The following FBLN1 variants were observed in gnomAD, a reference collection of about 807,000 sequenced individuals.
FBLN1 encodes the protein fibulin-1.
A neutral mutation model predicts 89.7 loss-of-function variants in FBLN1; 34 were observed. The ratio of observed to expected loss-of-function variants is 0.38; its 90% CI spans 0.29 to 0.50. The LOEUF (loss-of-function observed/expected upper bound fraction) is 0.50, where lower values mean the gene tolerates loss of function less well. Ranked by LOEUF, FBLN1 falls within the 20% of genes least tolerant of loss-of-function variation. The probability of loss-of-function intolerance (pLI) is 0.92; values close to 1 mark genes in which losing one functional copy is unlikely to be tolerated. For missense variants in FBLN1, 777 were observed against 988.1 expected, an observed-to-expected ratio of 0.79 and a Z score of 2.86; for synonymous variants, 393 against 391.3, an observed-to-expected ratio of 1.00 and a Z score of -0.05.
intron 14 of FBLN1, among the ~76,000 whole-genome samples, chr22:45,552,875 T>A (rs912545801): frequency 0.031 from 92 of 2,936 alleles, no homozygotes; most frequent in Non-Finnish European, 0.049. Context: ...TGCAAAGCTG[T>A]CCCACAGCCT....
chr22:45,507,620 T>C (rs2088040284), intron 1 of FBLN1, among the ~76,000 whole-genome samples: 1 of 150,440 alleles, frequency 6.6e-6, no homozygotes, highest in Admixed American at 6.6e-5. Flanking sequence ...CTCCACCTCC[T>C]GTATTCAAAC....
chr22:45,518,108 G>A (rs1160859726), intron 1 of FBLN1, among the ~76,000 whole-genome samples: 1 of 148,774 alleles, frequency 6.7e-6, no homozygotes, highest in African/African-American at 2.5e-5. Flanking sequence ...CTCCAGCCTG[G>A]GCGACAGAGA....
Position 45,597,141 on chromosome 22 carries a change from T to G in FBLN1, c.1973-3166T>G, listed in dbSNP as rs1327702947. Among the ~76,000 whole-genome samples, 5 of 151,876 alleles carry G rather than the reference T, an allele frequency of 3.3e-5. No homozygotes were observed. In the East Asian group the frequency reaches 9.6e-4, roughly 29 times the overall value. On this transcript the variant is annotated intron_variant, in intron 16 of 16. Coordinates refer to ENST00000327858, the MANE Select transcript of FBLN1 (RefSeq NM_006486.3). This position sits in a 1 kb window ranked among gnomAD's most constrained non-coding sequence, Gnocchi z 4.2. The stretch of plus-strand genomic sequence containing the variant: ...CCTCAGCCTCCTGAGTAGCTGGGAC[T>G]ATAAGCACACACCACCATGCCTGGC...
At chr22:45,573,425 C>T (rs2088966652) in intron 14 of FBLN1, among the ~76,000 whole-genome samples, 1 of 151,514 alleles carries the variant, frequency 6.6e-6, no homozygotes, top group African/African-American at 2.4e-5. Flanking sequence ...CCTGTAATCC[C>T]AGCACTTTGG....
Position 45,574,741 on chromosome 22 carries a change from G to T in FBLN1, c.1840+88G>T. On this transcript the variant is annotated intron_variant, in intron 15 of 16. Coordinates refer to ENST00000327858, the MANE Select transcript of FBLN1 (RefSeq NM_006486.3). This position sits in a 1 kb window ranked among gnomAD's most constrained non-coding sequence, Gnocchi z 4.1. ...GCTTGGCCTACAGGAGTTGTTCCTTGTAAGATGTGGCCCAGGCTTTGAAAT... is the reference window on the plus strand; with the variant it reads ...GCTTGGCCTACAGGAGTTGTTCCTTTTAAGATGTGGCCCAGGCTTTGAAAT... 2.5e-5 allele frequency: 23 copies of T among 921,526 alleles called. No homozygotes were observed. Among genetic ancestry groups the T allele is most frequent in the Non-Finnish European group, 3.4e-5 (20 of 591,554 alleles). The allele number at this position is 921,526 out of a possible 1,614,324, so 57.1% of individuals were successfully genotyped here. A position where few individuals can be genotyped will look rare whatever the true frequency, so the allele number is the denominator to read the frequency against.
chr22:45,580,153 C>T lies in FBLN1; in HGVS notation c.1972+3045C>T, dbSNP rs140134241. ...AAACTGCAGGGCCTGGGATGTTTTC[C>T]GACTTGTTTTTAGCAGTGCAGTTCT... On this transcript the variant is annotated intron_variant, in intron 16 of 16. Transcript: ENST00000327858. The surrounding 1 kb of genome is among the most constrained non-coding windows in gnomAD (Gnocchi z 8.6). 1.7e-4 allele frequency among the ~76,000 whole-genome samples: 26 copies of T among 152,136 alleles called. No individual in the cohort carries two copies. In the East Asian group the frequency reaches 4.7e-3, roughly 27 times the overall value.
rs1476234861 is a variant in FBLN1 at position 45,561,433 on chromosome 22, G to A, written c.1697+10818G>A. 1.3e-5 allele frequency among the ~76,000 whole-genome samples: 2 copies of A among 152,192 alleles called. No individual in the cohort carries two copies. Among genetic ancestry groups the A allele is most frequent in the African/African-American group, 4.8e-5 (2 of 41,456 alleles). On this transcript the variant is annotated intron_variant, in intron 14 of 16. Transcript: ENST00000327858. The surrounding 1 kb of genome is among the most constrained non-coding windows in gnomAD (Gnocchi z 4.7). Reference sequence around the variant, plus strand: ...CCTTGGTTCTCCACATATGATCAAAGATATTATGTATAGAGTCACTAAACT... The same window carrying A: ...CCTTGGTTCTCCACATATGATCAAAAATATTATGTATAGAGTCACTAAACT...
rs186112921 is a variant in FBLN1 at position 45,594,202 on chromosome 22, T to G, written c.1973-6105T>G. 2.6e-5 allele frequency among the ~76,000 whole-genome samples: 4 copies of G among 152,296 alleles called. No homozygotes were observed. In the East Asian group the frequency reaches 7.7e-4, roughly 29 times the overall value. On this transcript the variant is annotated intron_variant, in intron 16 of 16. Coordinates refer to ENST00000327858, the MANE Select transcript of FBLN1 (RefSeq NM_006486.3). The stretch of plus-strand genomic sequence containing the variant: ...GCGAGTGTTCCTTGCTACTTCTTCC[T>G]CCTTCCCTTGCCTCCCTGTGTTAGA...
chr22:45,553,036 CACGGTGG>C (rs1370915895), intron 14 of FBLN1, among the ~76,000 whole-genome samples: 2 of 152,168 alleles, frequency 1.3e-5, no homozygotes, highest in Non-Finnish European at 2.9e-5. Flanking sequence ...GAGGGTGTAA[CACGGTGG>C]ACGGTGGCAG....
intron 14 of FBLN1, among the ~76,000 whole-genome samples, chr22:45,573,777 C>A (rs2088970922): frequency 6.6e-6 from 1 of 151,230 alleles, no homozygotes; most frequent in Non-Finnish European, 1.5e-5. Context: ...TTCTGTCTGG[C>A]AGTTGCGGGG....
rs954310086 is a variant in FBLN1 at position 45,531,827 on chromosome 22, C to T, written c.544+503C>T. On this transcript the variant is annotated intron_variant, in intron 5 of 16. Coordinates refer to ENST00000327858, the MANE Select transcript of FBLN1 (RefSeq NM_006486.3). This position sits in a 1 kb window ranked among gnomAD's most constrained non-coding sequence, Gnocchi z 4.9. ...GCTGGTGTGGAAAGCCTGCACGTTA[C>T]CGAGCCCCCAGGCCTTGTGAAGGTG... Among the ~76,000 whole-genome samples the T allele has an allele frequency of 6.6e-6, 1 of 152,194 alleles. No individual in the cohort carries two copies. The highest frequency in any genetic ancestry group is 2.4e-5 in the African/African-American group (1 of 41,448).
rs1262137445 is a variant in FBLN1, at chr22:45,576,087, G to A, written c.1841-890G>A. On this transcript the variant is annotated intron_variant, in intron 15 of 16. Transcript: ENST00000327858. The surrounding 1 kb of genome is among the most constrained non-coding windows in gnomAD (Gnocchi z 5.2). ...CCCTCAGCACGTGGTTGCCCAAGGA[G>A]CCGTCCCCAGTCCCAGTCCCCCTAG... Among the ~76,000 whole-genome samples the A allele has an allele frequency of 6.6e-6, 1 of 152,206 alleles. No individual in the cohort carries two copies. Among genetic ancestry groups the A allele is most frequent in the African/African-American group, 2.4e-5 (1 of 41,438 alleles).
chr22:45,586,094 ACCAGT>A lies in FBLN1; in HGVS notation c.1972+8989_1972+8993del, dbSNP rs1019579276. 1.1e-3 allele frequency among the ~76,000 whole-genome samples: 164 copies of A among 152,262 alleles called. 1 individual carries two copies. Among genetic ancestry groups the A allele is most frequent in the African/African-American group, 3.7e-3 (154 of 41,546 alleles). ...GTGAGACACACAGGGGGCCCCAGGG[ACCAGT>A]CCCGGAAACCTCCCTGCTCAGTGGG... On this transcript the variant is annotated intron_variant, in intron 16 of 16. Coordinates refer to ENST00000327858, the MANE Select transcript of FBLN1 (RefSeq NM_006486.3).
In FBLN1 at chr22:45,549,284, C is replaced by A. The variant is rs1006901227; in HGVS notation, c.1573+540C>A. Among the ~76,000 whole-genome samples the A allele has an allele frequency of 6.6e-6, 1 of 152,200 alleles. No individual in the cohort carries two copies. Among genetic ancestry groups the A allele is most frequent in the African/African-American group, 2.4e-5 (1 of 41,452 alleles). On this transcript the variant is annotated intron_variant, in intron 13 of 16. Transcript: ENST00000327858. This position sits in a 1 kb window ranked among gnomAD's most constrained non-coding sequence, Gnocchi z 5.7. ...TAACCATCCATTCAATCACTGACAGCGGGTGCTGAGTAGATGTTTGTGAGC... is the reference window on the plus strand; with the variant it reads ...TAACCATCCATTCAATCACTGACAGAGGGTGCTGAGTAGATGTTTGTGAGC...
In FBLN1 at chr22:45,557,953, C is replaced by A; in HGVS notation, c.1697+7338C>A. On this transcript the variant is annotated intron_variant, in intron 14 of 16. Transcript: ENST00000327858. This position sits in a 1 kb window ranked among gnomAD's most constrained non-coding sequence, Gnocchi z 4.9. The stretch of plus-strand genomic sequence containing the variant: ...TGGGAAGATTTCCCTTTGCCACTGT[C>A]CTTCAGGGATGTCCTAGAAAGGGGC... The A allele has an allele frequency of 3.0e-6, 2 of 676,060 alleles. No homozygotes were observed. The highest frequency in any genetic ancestry group is 3.1e-5 in the South Asian group (2 of 64,688). 41.9% of individuals were successfully genotyped at this position (676,060 alleles called of 1,614,324 possible).
At position 45,561,694 on chromosome 22, in the gene FBLN1, G is replaced by A. The variant is rs2088852092; in HGVS notation, c.1697+11079G>A. On this transcript the variant is annotated intron_variant, in intron 14 of 16. Coordinates refer to ENST00000327858, the MANE Select transcript of FBLN1 (RefSeq NM_006486.3). The surrounding 1 kb of genome is among the most constrained non-coding windows in gnomAD (Gnocchi z 4.7). ...CTGGTACCAAAATCTGTAGTAGTTA[G>A]GGTTCTCTAGAGGGACAGAACTAAC... Among the ~76,000 whole-genome samples, 1 of 152,156 alleles carries A rather than the reference G, an allele frequency of 6.6e-6. No individual in the cohort carries two copies. Among genetic ancestry groups the A allele is most frequent in the African/African-American group, 2.4e-5 (1 of 41,426 alleles).
intron 14 of FBLN1, among the ~76,000 whole-genome samples, chr22:45,566,464 C>T (rs1030385683): frequency 5.3e-5 from 8 of 152,184 alleles, no homozygotes; most frequent in Non-Finnish European, 8.8e-5. Flanking sequence ...GCCATGTTCT[C>T]GGCTCATGCT....
At chr22:45,527,092 T>C (rs900810289) in intron 3 of FBLN1, among the ~76,000 whole-genome samples, 2 of 152,172 alleles carry the variant, frequency 1.3e-5, no homozygotes, top group African/African-American at 4.8e-5. Context: ...GGAAGACCCA[T>C]CAGTGCCACA....
Position 45,531,474 on chromosome 22 carries a change from T to C in FBLN1, c.544+150T>C, listed in dbSNP as rs1247973580. 3 of 689,384 alleles carry C rather than the reference T, an allele frequency of 4.4e-6. No homozygotes were observed. The highest frequency in any genetic ancestry group is 7.8e-6 in the Non-Finnish European group (3 of 384,582). 42.7% of individuals were successfully genotyped at this position (689,384 alleles called of 1,614,324 possible). The stretch of plus-strand genomic sequence containing the variant: ...GGTTGTGGCTGCAGTGAGCTATGAC[T>C]GCACCTTTGCACTCTAGCCTGGGCA... On this transcript the variant is annotated intron_variant, in intron 5 of 16. Coordinates refer to ENST00000327858, the MANE Select transcript of FBLN1 (RefSeq NM_006486.3). This position sits in a 1 kb window ranked among gnomAD's most constrained non-coding sequence, Gnocchi z 4.9.
Sources: allele counts gnomAD v4.1 joint callset (sites outside exome capture counted in the v4.1 genomes callset), GRCh38; gene constraint gnomAD v4.1.1; non-coding constraint Gnocchi (gnomAD v3.1); transcripts MANE v1.5; gene names NCBI Gene and HGNC (gene_info 2026-07-23, HGNC 2026-07-21).